Variants in PCED1B observed in about 807,000 individuals in gnomAD.
The protein encoded by PCED1B is PC-esterase domain-containing protein 1B.
For synonymous variants in PCED1B, 251 were observed against 246.1 expected (o/e 1.02, Z -0.19); for missense variants, 573 against 573.9 (o/e 1.00, Z 0.02).
rs146872990 is a variant in PCED1B at position 47,235,216 on chromosome 12, G to T, written c.153G>T (p.Arg51Ser). Residue 51 changes from arginine to serine, a missense_variant, in exon 4 of 4, where the codon AGG becomes AGT. Arg to Ser is a moderately radical substitution (Grantham distance 110). Transcript: ENST00000546455. ...TCACTCCCGGGCAGCTTAGAGCAAGGGGGGAGCTGAACTTCGAACAAGATG... is the reference window on the plus strand; with the variant it reads ...TCACTCCCGGGCAGCTTAGAGCAAGTGGGGAGCTGAACTTCGAACAAGATG... ...RLLTPGQLRA[R>S]GELNFEQDEL... is the part of the protein sequence containing the mutation. The T allele has an allele frequency of 2.5e-6, 4 of 1,609,196 alleles. No individual in the cohort carries two copies. The highest frequency in any genetic ancestry group is 3.4e-6 in the Non-Finnish European group (4 of 1,177,310).
chr12:47,228,401 C>T (rs1431185209), intron 3 of PCED1B, among the ~76,000 whole-genome samples: 1 of 152,118 alleles, frequency 6.6e-6, no homozygotes, highest in Non-Finnish European at 1.5e-5. Flanking sequence ...GGATTATACT[C>T]ATTCACCACC....
At chr12:47,107,469 G>T (rs1939005667) in intron 2 of PCED1B, among the ~76,000 whole-genome samples, 1 of 152,226 alleles carries the variant, frequency 6.6e-6, no homozygotes, top group South Asian at 2.1e-4. Context: ...GAGTAAAGTG[G>T]GGTGAACATG....
At chr12:47,092,750 T>A (rs1938321391) in intron 1 of PCED1B, among the ~76,000 whole-genome samples, 1 of 152,104 alleles carries the variant, frequency 6.6e-6, no homozygotes, top group Non-Finnish European at 1.5e-5. Context: ...AAATGCTTTT[T>A]CTGCATTTGA....
At chr12:47,122,288 T>C (rs1939713969) in intron 2 of PCED1B, among the ~76,000 whole-genome samples, 3 of 152,102 alleles carry the variant, frequency 2.0e-5, no homozygotes, top group Non-Finnish European at 4.4e-5. Flanking sequence ...CCACAGCAGA[T>C]TTACCACTGA....
intron 2 of PCED1B, among the ~76,000 whole-genome samples, chr12:47,211,936 G>A (rs1179336988): frequency 1.3e-5 from 2 of 150,922 alleles, no homozygotes; most frequent in Non-Finnish European, 3.0e-5. Context: ...TTAGCCGGGC[G>A]TAGTGGCGGG....
chr12:47,153,247 G>T (rs897577099), intron 2 of PCED1B, among the ~76,000 whole-genome samples: 2 of 151,256 alleles, frequency 1.3e-5, no homozygotes, highest in Admixed American at 1.3e-4. Flanking sequence ...CTACTTGGGA[G>T]GCTGAGGCAG....
intron 2 of PCED1B, among the ~76,000 whole-genome samples, chr12:47,157,790 G>A (rs1349342575): frequency 6.6e-6 from 1 of 152,080 alleles, no homozygotes; most frequent in Non-Finnish European, 1.5e-5. Context: ...ACCTGTTACA[G>A]AATAACTCTC....
chr12:47,143,917 C>T (rs189077621), intron 2 of PCED1B, among the ~76,000 whole-genome samples: 1 of 152,226 alleles, frequency 6.6e-6, no homozygotes, highest in East Asian at 1.9e-4. Flanking sequence ...CTAGGCATTG[C>T]TCTAGTGGAA....
chr12:47,223,525 A>G (rs1181784365), intron 3 of PCED1B: 1 of 152,194 alleles, frequency 6.6e-6, no homozygotes, highest in Non-Finnish European at 1.5e-5. Context: ...TTCTTTTTCA[A>G]AGCAAGAAAC....
intron 2 of PCED1B, among the ~76,000 whole-genome samples, chr12:47,177,359 A>G (rs1296325813): frequency 6.6e-6 from 1 of 152,226 alleles, no homozygotes; most frequent in African/African-American, 2.4e-5. Context: ...GGAGAGAAAT[A>G]TCTCCTCATA....
chr12:47,088,884 G>A (rs1452418478), intron 1 of PCED1B, among the ~76,000 whole-genome samples: 1 of 152,138 alleles, frequency 6.6e-6, no homozygotes. Context: ...ACTACTGGAT[G>A]CCTAAATTCC....
At chr12:47,170,313 A>C (rs1362490434) in intron 2 of PCED1B, among the ~76,000 whole-genome samples, 1 of 152,242 alleles carries the variant, frequency 6.6e-6, no homozygotes, top group Non-Finnish European at 1.5e-5. Context: ...CAGACACAGT[A>C]ACAATCTGAT....
intron 2 of PCED1B, among the ~76,000 whole-genome samples, chr12:47,212,690 GT>G (rs1276542691): frequency 6.6e-6 from 1 of 152,168 alleles, no homozygotes; most frequent in Non-Finnish European, 1.5e-5. Context: ...CCAGTGGTTA[GT>G]CATTTAAAGA....
chr12:47,085,076 A>G (rs1320066693), intron 1 of PCED1B, among the ~76,000 whole-genome samples: 2 of 152,208 alleles, frequency 1.3e-5, no homozygotes, highest in African/African-American at 4.8e-5. Context: ...CCTGGGAGAC[A>G]GAGGTTGCAG....
At chr12:47,201,771 T>C (rs1294285525) in intron 2 of PCED1B, among the ~76,000 whole-genome samples, 1 of 152,100 alleles carries the variant, frequency 6.6e-6, no homozygotes, top group Non-Finnish European at 1.5e-5. Flanking sequence ...GCTAATTTTT[T>C]GTATTTTTGT....
chr12:47,186,174 C>T (rs1000439787), intron 2 of PCED1B, among the ~76,000 whole-genome samples: 8 of 150,012 alleles, frequency 5.3e-5, no homozygotes, highest in African/African-American at 2.0e-4. Flanking sequence ...GCCAAGATCG[C>T]GCCCCTGCAC....
intron 2 of PCED1B, among the ~76,000 whole-genome samples, chr12:47,144,019 A>G (rs1940694154): frequency 6.6e-6 from 1 of 152,194 alleles, no homozygotes; most frequent in Admixed American, 6.5e-5. Context: ...AAAAATTTTT[A>G]TCAGGGACCC....
chr12:47,205,697 A>G (rs188207360), intron 2 of PCED1B, among the ~76,000 whole-genome samples: 122 of 151,682 alleles, frequency 8.0e-4, no homozygotes, highest in Non-Finnish European at 1.5e-3. Context: ...TATGAATAGG[A>G]GGAAAGAAAG....
intron 2 of PCED1B, among the ~76,000 whole-genome samples, chr12:47,106,230 G>T (rs1003972101): frequency 6.6e-6 from 1 of 151,996 alleles, no homozygotes; most frequent in African/African-American, 2.4e-5. Context: ...TATCAAAAAA[G>T]GACCATTTTT....
Sources: gnomAD v4.1 joint callset for allele counts (sites outside exome capture counted in the v4.1 genomes callset) on GRCh38, gnomAD v4.1.1 for gene constraint, MANE v1.5 for transcripts, NCBI Gene and HGNC (gene_info 2026-07-23, HGNC 2026-07-21) for gene names.